PACS2: variants seen among roughly 807,000 people sequenced by gnomAD.
PACS2 encodes the protein PACS1-like protein.
A neutral mutation model predicts 113.0 loss-of-function variants in PACS2; 36 were observed. The ratio of observed to expected loss-of-function variants is 0.32; its 90% confidence interval spans 0.24 to 0.42. PACS2 has a LOEUF of 0.42. PACS2 is among the 10% of genes least tolerant of loss of function. PACS2 has a pLI of 1.00. For missense variants in PACS2, 1,015 were observed against 1,239.5 expected, an observed-to-expected ratio of 0.82 and a Z score of 2.72; for synonymous variants, 589 against 536.1, an observed-to-expected ratio of 1.10 and a Z score of -1.36.
At position 105,394,702 on chromosome 14, in the gene PACS2, C is replaced by T. The variant is rs782395584; in HGVS notation, c.*30C>T. On this transcript the variant is annotated 3_prime_UTR_variant, in exon 25 of 25. Coordinates refer to ENST00000447393, the MANE Select transcript of PACS2 (RefSeq NM_001100913.3). ...ACCCACCAGGGGGCCCACCTCCTGCCCCATGCTGTGAGGGGCCCAGCTGCA... is the reference window on the plus strand; with the variant it reads ...ACCCACCAGGGGGCCCACCTCCTGCTCCATGCTGTGAGGGGCCCAGCTGCA... The T allele has an allele frequency of 2.5e-5, 35 of 1,410,260 alleles. No individual in the cohort carries two copies. Among genetic ancestry groups the T allele is most frequent in the Non-Finnish European group, 3.5e-5 (35 of 994,474 alleles). 87.4% of individuals were successfully genotyped at this position (1,410,260 alleles called of 1,614,324 possible). A position where few individuals can be genotyped will look rare whatever the true frequency, so the allele number is the denominator to read the frequency against.
chr14:105,332,454 G>A (rs1006379534), intron 1 of PACS2, among the ~76,000 whole-genome samples: 2 of 152,180 alleles, frequency 1.3e-5, no homozygotes, highest in African/African-American at 4.8e-5. Flanking sequence ...CTGTGTGGCC[G>A]ACCACCTCCA....
intron 1 of PACS2, among the ~76,000 whole-genome samples, chr14:105,326,646 G>A (rs937747070): frequency 6.6e-6 from 1 of 152,228 alleles, no homozygotes; most frequent in Non-Finnish European, 1.5e-5. Flanking sequence ...AGGCCCCTCG[G>A]TCTGGCCTAG....
rs927301690 is a variant in PACS2 at position 105,315,854 on chromosome 14, A to G, written c.119+817A>G. ...AGGAGAGAGACACGCTCTCCGGAAA[A>G]GTTCTGGTTCTAGAATAGACAGCAG... On this transcript the variant is annotated intron_variant, in intron 1 of 24. Transcript: ENST00000447393. This position sits in a 1 kb window ranked among gnomAD's most constrained non-coding sequence, Gnocchi z 4.4. 6.6e-6 allele frequency among the ~76,000 whole-genome samples: 1 copy of G among 152,220 alleles called. No homozygotes were observed. Among genetic ancestry groups the G allele is most frequent in the Non-Finnish European group, 1.5e-5 (1 of 68,042 alleles).
rs151204368 is a variant in PACS2 at position 105,359,094 on chromosome 14, C to T, written c.423+3917C>T. Among the ~76,000 whole-genome samples the T allele has an allele frequency of 5.3e-5, 8 of 152,268 alleles. 1 individual carries two copies. The East Asian group carries it at 1.5e-3, about 29-fold the overall frequency. On this transcript the variant is annotated intron_variant, in intron 4 of 24. Coordinates refer to ENST00000447393, the MANE Select transcript of PACS2 (RefSeq NM_001100913.3). ...GGTCACACACACGTCCATCCCTACA[C>T]GGCGGTGCATGGCGACCTCCCAGGC...
chr14:105,364,861 A>C (rs1427370361), intron 4 of PACS2, among the ~76,000 whole-genome samples: 1 of 151,832 alleles, frequency 6.6e-6, no homozygotes, highest in African/African-American at 2.4e-5. Flanking sequence ...ATGCCCAGCT[A>C]ATTTTTTATA....
At chr14:105,349,657 C>T (rs1566927527) in intron 2 of PACS2, among the ~76,000 whole-genome samples, 1 of 152,256 alleles carries the variant, frequency 6.6e-6, no homozygotes, top group Non-Finnish European at 1.5e-5. Context: ...CTATGTGAAA[C>T]CTACTGCATC....
chr14:105,392,134 G>GC (rs1233310622), intron 22 of PACS2: 2 of 339,334 alleles, frequency 5.9e-6, no homozygotes, highest in Non-Finnish European at 5.4e-6. Flanking sequence ...CTGTGCTGAG[G>GC]CCCCGCTAGC....
intron 8 of PACS2, chr14:105,370,175 T>G (rs2061098484): frequency 9.0e-6 from 3 of 332,134 alleles, no homozygotes; most frequent in African/African-American, 2.3e-5. Flanking sequence ...GTTTGTGTGT[T>G]TTTTTTTTTA....
At chr14:105,361,525 T>G (rs1349845725) in intron 4 of PACS2, among the ~76,000 whole-genome samples, 1 of 152,066 alleles carries the variant, frequency 6.6e-6, no homozygotes, top group Non-Finnish European at 1.5e-5. Context: ...TAATTCCAGC[T>G]ACTCAGTAGG....
At position 105,395,393 on chromosome 14, in the gene PACS2, T is replaced by C. The variant is rs1245275447; in HGVS notation, c.*721T>C. 1.4e-5 allele frequency: 2 copies of C among 147,274 alleles called. No individual in the cohort carries two copies. The highest frequency in any genetic ancestry group is 5.0e-5 in the African/African-American group (2 of 40,330). The allele number at this position is 147,274 out of a possible 1,614,324, so 9.1% of individuals were successfully genotyped here. A position where few individuals can be genotyped will look rare whatever the true frequency, so the allele number is the denominator to read the frequency against. Reference sequence around the variant, plus strand: ...CTTGAAACACCATGAGGCTTCTGCGTGTAGTCCCTGCCCCAAACTTAGCAA... The same window carrying C: ...CTTGAAACACCATGAGGCTTCTGCGCGTAGTCCCTGCCCCAAACTTAGCAA... On this transcript the variant is annotated 3_prime_UTR_variant, in exon 25 of 25. Transcript: ENST00000447393.
At chr14:105,319,118 C>G (rs111821888) in intron 1 of PACS2, among the ~76,000 whole-genome samples, 1 of 147,462 alleles carries the variant, frequency 6.8e-6, no homozygotes, top group African/African-American at 2.5e-5. Flanking sequence ...CAGCTAATTT[C>G]TGTATTTTTA....
chr14:105,382,222 T>C (rs370382581), intron 13 of PACS2, among the ~76,000 whole-genome samples, 164 bp downstream of exon 13: 13 of 152,220 alleles, frequency 8.5e-5, no homozygotes, highest in African/African-American at 2.6e-4. Context: ...GGGCGGGCCA[T>C]GGGTTGGTTT....
chr14:105,355,189 G>T lies in PACS2; in HGVS notation c.423+12G>T. The T allele has an allele frequency of 6.2e-7, 1 of 1,611,794 alleles. No individual in the cohort carries two copies. The highest frequency in any genetic ancestry group is 8.5e-7 in the Non-Finnish European group (1 of 1,179,242). On this transcript the variant is annotated intron_variant, in intron 4 of 24. Coordinates refer to ENST00000447393, the MANE Select transcript of PACS2 (RefSeq NM_001100913.3). The surrounding 1 kb of genome is among the most constrained non-coding windows in gnomAD (Gnocchi z 4.1). Reference sequence around the variant, plus strand: ...TCAGCATGGCTGAGGTGAGTGCTCCGTCTGGCGTGGCCTGCGTCGGGCTGG... The same window carrying T: ...TCAGCATGGCTGAGGTGAGTGCTCCTTCTGGCGTGGCCTGCGTCGGGCTGG...
rs147130148 is a variant in PACS2, at chr14:105,342,785, A to T, written c.120-5708A>T. On this transcript the variant is annotated intron_variant, in intron 1 of 24. Coordinates refer to ENST00000447393, the MANE Select transcript of PACS2 (RefSeq NM_001100913.3). ...CCCATCTCTAGTAAAAATATAAAAAATTAGCTGGGTGTGGTGGTGCACGCC... is the reference window on the plus strand; with the variant it reads ...CCCATCTCTAGTAAAAATATAAAAATTTAGCTGGGTGTGGTGGTGCACGCC... Among the ~76,000 whole-genome samples the T allele has an allele frequency of 2.0e-3, 302 of 151,792 alleles. 1 individual carries two copies. The highest frequency in any genetic ancestry group is 7.0e-3 in the African/African-American group (289 of 41,424).
upstream of PACS2, among the ~76,000 whole-genome samples, chr14:105,313,906 G>A (rs1216381474): frequency 6.6e-6 from 1 of 152,254 alleles, no homozygotes; most frequent in East Asian, 1.9e-4. Context: ...TCTAGCCATT[G>A]CCTCCTCTTT....
At chr14:105,312,262 T>C (rs2058369010), upstream of PACS2, among the ~76,000 whole-genome samples, 3 of 152,128 alleles carry the variant, frequency 2.0e-5, no homozygotes, top group Admixed American at 1.3e-4. Flanking sequence ...TGACTGGGGG[T>C]TGGGGCTTCG....
At chr14:105,311,127 T>C (rs113259522), upstream of PACS2, among the ~76,000 whole-genome samples, 613 of 152,196 alleles carry the variant, frequency 4.0e-3, 5 homozygotes, top group African/African-American at 0.014. Flanking sequence ...TAATTTTTTG[T>C]ATTTTTAGTA....
At chr14:105,391,561 C>T in intron 21 of PACS2, 70 bp from the exon 22 acceptor site, 1 of 1,003,240 alleles carries the variant, frequency 1.0e-6, no homozygotes, top group Non-Finnish European at 1.4e-6. Context: ...ACATCCTGGT[C>T]CGGAGGGCCT....
chr14:105,384,862 G>C lies in PACS2; in HGVS notation c.1892-17G>C. 2.7e-6 allele frequency: 4 copies of C among 1,469,868 alleles called. No homozygotes were observed. Among genetic ancestry groups the C allele is most frequent in the Non-Finnish European group, 3.7e-6 (4 of 1,070,464 alleles). The allele number at this position is 1,469,868 out of a possible 1,614,324, so 91.1% of individuals were successfully genotyped here. On this transcript the variant is annotated splice_polypyrimidine_tract_variant and intron_variant, in intron 17 of 24. Coordinates refer to ENST00000447393, the MANE Select transcript of PACS2 (RefSeq NM_001100913.3). Reference sequence around the variant, plus strand: ...CCTGGCACCAGCCTAACCCCCCACCGCCTCCTCCCCCTGCAGTACAGGACA... The same window carrying C: ...CCTGGCACCAGCCTAACCCCCCACCCCCTCCTCCCCCTGCAGTACAGGACA...
Sources: allele counts gnomAD v4.1 joint callset (sites outside exome capture counted in the v4.1 genomes callset), GRCh38; gene constraint gnomAD v4.1.1; non-coding constraint Gnocchi (gnomAD v3.1); transcripts MANE v1.5; gene names NCBI Gene and HGNC (gene_info 2026-07-23, HGNC 2026-07-21).